Variants in SNX3 observed in about 807,000 individuals in gnomAD.
SNX3 encodes the protein sorting nexin-3.
Under a neutral mutation model 17.7 loss-of-function variants are expected in SNX3, and 5 were observed. The observed-to-expected ratio is 0.28, with a 90% CI of 0.15 to 0.59. The LOEUF is 0.59. SNX3 is among the 20% of genes least tolerant of loss of function. The probability of loss-of-function intolerance (pLI) is 0.88; values close to 1 mark genes in which losing one functional copy is unlikely to be tolerated. For missense variants in SNX3, 132 were observed against 206.8 expected (o/e 0.64, Z 2.22); for synonymous variants, 91 against 76.5 (o/e 1.19, Z -0.99).
intron 1 of SNX3, among the ~76,000 whole-genome samples, chr6:108,224,642 T>A (rs1216884247): frequency 6.6e-6 from 1 of 152,170 alleles, no homozygotes; most frequent in South Asian, 2.1e-4. Flanking sequence ...AGATCTTGCA[T>A]AATAAAAGAC....
At chr6:108,241,765 A>C (rs905498135) in intron 1 of SNX3, among the ~76,000 whole-genome samples, 1 of 152,226 alleles carries the variant, frequency 6.6e-6, no homozygotes, top group Non-Finnish European at 1.5e-5. Flanking sequence ...CGTATTATCT[A>C]AAATGTTCAG....
At chr6:108,222,037 A>G (rs1774794303) in intron 2 of SNX3, among the ~76,000 whole-genome samples, 1 of 152,106 alleles carries the variant, frequency 6.6e-6, no homozygotes, top group Non-Finnish European at 1.5e-5. Context: ...GATTATAGGC[A>G]TGAGCCACCA....
At chr6:108,228,307 G>C (rs1384183528) in intron 1 of SNX3, among the ~76,000 whole-genome samples, 1 of 152,152 alleles carries the variant, frequency 6.6e-6, no homozygotes, top group Non-Finnish European at 1.5e-5. Flanking sequence ...CCAGCACTTT[G>C]GGAGGCCAAG....
At chr6:108,230,392 T>A (rs1302548136) in intron 1 of SNX3, among the ~76,000 whole-genome samples, 1 of 152,102 alleles carries the variant, frequency 6.6e-6, no homozygotes, top group East Asian at 1.9e-4. Flanking sequence ...AATACAACCA[T>A]CTGTATGAAA....
At chr6:108,222,101 C>G in intron 2 of SNX3, 1 of 726,800 alleles carries the variant, frequency 1.4e-6, no homozygotes. Context: ...ATATTTTGTG[C>G]TCATATGCAG....
intron 1 of SNX3, among the ~76,000 whole-genome samples, chr6:108,238,965 A>G (rs981473862): frequency 1.3e-5 from 2 of 151,584 alleles, no homozygotes; most frequent in African/African-American, 4.9e-5. Context: ...GCCATGTGCA[A>G]TCTCGGTTCA....
At chr6:108,258,944 G>A (rs1470739960) in intron 1 of SNX3, among the ~76,000 whole-genome samples, 1 of 152,162 alleles carries the variant, frequency 6.6e-6, no homozygotes, top group African/African-American at 2.4e-5. Flanking sequence ...AGTAAGTGGA[G>A]GAAGTGTAGG....
intron 2 of SNX3, chr6:108,222,087 C>T (rs1477989691): frequency 1.8e-6 from 1 of 558,504 alleles, no homozygotes; most frequent in African/African-American, 2.0e-5. Flanking sequence ...ATGCTATGAT[C>T]TGCATATTTT....
At chr6:108,229,638 G>A (rs1391152681) in intron 1 of SNX3, among the ~76,000 whole-genome samples, 1 of 152,064 alleles carries the variant, frequency 6.6e-6, no homozygotes, top group East Asian at 1.9e-4. Context: ...CCCATGCTAG[G>A]GTAAAATGGC....
chr6:108,237,165 C>T (rs540373312), intron 1 of SNX3, among the ~76,000 whole-genome samples: 1 of 152,180 alleles, frequency 6.6e-6, no homozygotes. Context: ...ACTATATCTT[C>T]TTTAACTGTT....
At chr6:108,228,450 G>A (rs1775038090) in intron 1 of SNX3, among the ~76,000 whole-genome samples, 1 of 152,074 alleles carries the variant, frequency 6.6e-6, no homozygotes, top group Non-Finnish European at 1.5e-5. Context: ...TCGGGATGCT[G>A]AGGCAGAACT....
chr6:108,248,112 A>G (rs1016442554), intron 1 of SNX3, among the ~76,000 whole-genome samples: 13 of 152,270 alleles, frequency 8.5e-5, no homozygotes, highest in African/African-American at 2.9e-4. Flanking sequence ...GTGAAGCACA[A>G]AAGAGACAGG....
chr6:108,245,615 C>A (rs1227746941), intron 1 of SNX3, among the ~76,000 whole-genome samples: 3 of 152,240 alleles, frequency 2.0e-5, no homozygotes, highest in African/African-American at 7.2e-5. Context: ...TCGCCAGCAT[C>A]TGTTGTTTCC....
chr6:108,244,273 A>T (rs1775616491), intron 1 of SNX3, among the ~76,000 whole-genome samples: 1 of 152,048 alleles, frequency 6.6e-6, no homozygotes. Flanking sequence ...CTCCCACCTC[A>T]GTCTCCCGAG....
intron 1 of SNX3, among the ~76,000 whole-genome samples, chr6:108,240,433 G>A (rs921203206): frequency 6.6e-6 from 1 of 152,094 alleles, no homozygotes; most frequent in Admixed American, 6.6e-5. Context: ...TAGCAAGGCT[G>A]GTCTCAAAAT....
At chr6:108,246,419 G>T (rs1467037593) in intron 1 of SNX3, among the ~76,000 whole-genome samples, 5 of 143,660 alleles carry the variant, frequency 3.5e-5, no homozygotes, top group African/African-American at 1.1e-4. Flanking sequence ...CTGCCTCCCA[G>T]GTTCAAGTGA....
At chr6:108,228,585 G>T (rs1448637795) in intron 1 of SNX3, among the ~76,000 whole-genome samples, 2 of 152,048 alleles carry the variant, frequency 1.3e-5, no homozygotes, top group Non-Finnish European at 2.9e-5. Flanking sequence ...GCACATGCCT[G>T]TAGTGGGAAG....
chr6:108,246,975 G>A lies in SNX3; in HGVS notation c.162+13785C>T, dbSNP rs577232094. 9.2e-5 allele frequency among the ~76,000 whole-genome samples: 14 copies of A among 152,234 alleles called. No individual in the cohort carries two copies. In the East Asian group the frequency reaches 2.5e-3, roughly 27 times the overall value. On this transcript the variant is annotated intron_variant, in intron 1 of 3. Coordinates refer to ENST00000230085, the MANE Select transcript of SNX3 (RefSeq NM_003795.6). ...ATAAAGCATGGTCAGGATGTGATAT[G>A]GTTTGGCTGTATGTCCCTATCCAAA...
At chr6:108,251,310 A>G (rs1285904505) in intron 1 of SNX3, among the ~76,000 whole-genome samples, 1 of 152,204 alleles carries the variant, frequency 6.6e-6, no homozygotes, top group Middle Eastern at 3.2e-3. Context: ...TAGCAAAAAA[A>G]GGAAATAACA....
Sources: gnomAD v4.1 joint callset for allele counts (sites outside exome capture counted in the v4.1 genomes callset) on GRCh38, gnomAD v4.1.1 for gene constraint, MANE v1.5 for transcripts, NCBI Gene and HGNC (gene_info 2026-07-23, HGNC 2026-07-21) for gene names.